C21orf91: variants seen among roughly 807,000 people sequenced by gnomAD.
C21orf91 encodes chromosome 21 open reading frame 91, also known as protein EURL homolog.
In C21orf91, 26 loss-of-function variants were observed where a neutral mutation model predicts 32.9. The ratio of observed to expected loss-of-function variants is 0.79; its 90% CI spans 0.58 to 1.10. The LOEUF is 1.10. Among genes scored for constraint, C21orf91 ranks in the 50% least tolerant of loss-of-function variants. The pLI, the probability that C21orf91 is intolerant of heterozygous loss-of-function variation, is 0.00. For missense variants in C21orf91, 310 were observed against 341.3 expected (o/e 0.91, Z 0.72); for synonymous variants, 126 against 120.4 (o/e 1.05, Z -0.31).
At chr21:17,803,573 T>C (rs2062576524) in intron 2 of C21orf91, among the ~76,000 whole-genome samples, 1 of 152,178 alleles carries the variant, frequency 6.6e-6, no homozygotes, top group African/African-American at 2.4e-5. Context: ...GCCTAAGTAA[T>C]TTTCCAAGAG....
intron 2 of C21orf91, among the ~76,000 whole-genome samples, chr21:17,804,395 C>T (rs894100419): frequency 6.6e-6 from 1 of 152,218 alleles, no homozygotes; most frequent in Non-Finnish European, 1.5e-5. Flanking sequence ...TTAGAAAGTA[C>T]TGTGATAAAG....
intron 2 of C21orf91, among the ~76,000 whole-genome samples, chr21:17,798,620 G>A (rs1270479272): frequency 6.6e-6 from 1 of 152,086 alleles, no homozygotes; most frequent in African/African-American, 2.4e-5. Flanking sequence ...TTGTGAGCAC[G>A]TATACATTTC....
At chr21:17,804,666 C>T (rs966967133) in intron 2 of C21orf91, among the ~76,000 whole-genome samples, 1 of 152,192 alleles carries the variant, frequency 6.6e-6, no homozygotes, top group African/African-American at 2.4e-5. Flanking sequence ...TGGCAGATTT[C>T]AGCTTAGAGA....
At chr21:17,810,412 A>G (rs2062625000) in intron 2 of C21orf91, 1 of 152,238 alleles carries the variant, frequency 6.6e-6, no homozygotes, top group African/African-American at 2.4e-5. Flanking sequence ...TGTTCTATTG[A>G]CATAGTTAGT....
At position 17,793,398 on chromosome 21, in the gene C21orf91, A is replaced by C. The variant is rs1193239571; in HGVS notation, c.*17T>G. ...AGACCAATAAAGGGCAGGGCATACGAAGTAAGTCTGTTTAGGTCAGTTGTT... is the reference window on the plus strand; with the variant it reads ...AGACCAATAAAGGGCAGGGCATACGCAGTAAGTCTGTTTAGGTCAGTTGTT... On this transcript the variant is annotated 3_prime_UTR_variant, in exon 5 of 5. Coordinates refer to ENST00000284881, the MANE Select transcript of C21orf91 (RefSeq NM_001100420.2). 1 of 1,557,536 alleles carries C rather than the reference A, an allele frequency of 6.4e-7. No individual in the cohort carries two copies. The highest frequency in any genetic ancestry group is 8.7e-7 in the Non-Finnish European group (1 of 1,144,190).
chr21:17,818,279 C>T lies in C21orf91; in HGVS notation c.40G>A (p.Asp14Asn), dbSNP rs1407216362. Residue 14 changes from aspartate to asparagine, a missense_variant, in exon 2 of 5, where the codon GAT (aspartate) becomes AAT (asparagine). Coordinates refer to ENST00000284881, the MANE Select transcript of C21orf91 (RefSeq NM_001100420.2). ...EEQFVNIDLN[D>N]DNICSVCKLG... is the part of the protein sequence containing the mutation. ...TTACAAACACTGCAAATGTTGTCAT[C>T]ATTCAAATCAATGTTTACAAACTGC... The T allele has an allele frequency of 6.2e-7, 1 of 1,612,338 alleles. No homozygotes were observed. Among genetic ancestry groups the T allele is most frequent in the Non-Finnish European group, 8.5e-7 (1 of 1,178,698 alleles).
chr21:17,793,467 C>A lies in C21orf91; in HGVS notation c.842G>T (p.Cys281Phe). 1 of 1,613,300 alleles carries A rather than the reference C, an allele frequency of 6.2e-7. No homozygotes were observed. The part of the protein sequence containing the change: ...QLLKNCSKLP[C>F]LQVGRTGMKS... ...CATTCCTGTTCGCCCTACTTGCAGA[C>A]ATGGTAACTTAGAACAGTTCTTCAG... The change falls in exon 5 of 5, where the codon TGT (cysteine) becomes TTT (phenylalanine). Residue 281 changes from cysteine to phenylalanine, a missense_variant. Cys to Phe is a radical substitution (Grantham distance 205). Transcript: ENST00000284881.
In C21orf91 at chr21:17,793,648, G is replaced by A; in HGVS notation, c.728-67C>T. The A allele has an allele frequency of 3.8e-6, 4 of 1,058,016 alleles. No individual in the cohort carries two copies. The South Asian group carries it at 5.9e-5, about 16-fold the overall frequency. The allele number at this position is 1,058,016 out of a possible 1,614,324, so 65.5% of individuals were successfully genotyped here. ...GCCGGTGCTATGATTTATATTTCAAGAACTCTAACTGAAATCTATGCATTG... is the reference window on the plus strand; with the variant it reads ...GCCGGTGCTATGATTTATATTTCAAAAACTCTAACTGAAATCTATGCATTG... On this transcript the variant is annotated intron_variant, in intron 4 of 4. Coordinates refer to ENST00000284881, the MANE Select transcript of C21orf91 (RefSeq NM_001100420.2).
intron 2 of C21orf91, among the ~76,000 whole-genome samples, chr21:17,803,756 T>C (rs1221459299): frequency 6.6e-6 from 1 of 151,950 alleles, no homozygotes; most frequent in Admixed American, 6.6e-5. Flanking sequence ...GGAAAGACAA[T>C]GGATGAAAAT....
chr21:17,808,467 A>G (rs112313080), intron 2 of C21orf91, among the ~76,000 whole-genome samples: 3 of 152,304 alleles, frequency 2.0e-5, no homozygotes, highest in African/African-American at 7.2e-5. Flanking sequence ...AGCCCCCACA[A>G]AGAGTCCCCA....
intron 2 of C21orf91, among the ~76,000 whole-genome samples, chr21:17,800,772 T>C (rs968898963): frequency 6.6e-6 from 1 of 152,226 alleles, no homozygotes; most frequent in African/African-American, 2.4e-5. Flanking sequence ...TATAAAAACA[T>C]CTTTAAGATA....
Position 17,813,648 on chromosome 21 carries a change from C to T in C21orf91, c.127+4544G>A, listed in dbSNP as rs537254886. Among the ~76,000 whole-genome samples the T allele has an allele frequency of 1.4e-4, 22 of 152,296 alleles. No homozygotes were observed. In the East Asian group the frequency reaches 4.2e-3, roughly 29 times the overall value. The stretch of plus-strand genomic sequence containing the variant: ...TGTCTCTTATCTGAAATACTTGAGA[C>T]CAGAACTGTTTCAAATTTCAGATTT... On this transcript the variant is annotated intron_variant, in intron 2 of 4. Coordinates refer to ENST00000284881, the MANE Select transcript of C21orf91 (RefSeq NM_001100420.2).
rs66622342 is a variant in C21orf91, at chr21:17,792,477, T to TC, written c.*937_*938insG. On this transcript the variant is annotated 3_prime_UTR_variant, in exon 5 of 5. Transcript: ENST00000284881. ...AAAGTGGCACACAAAATAATCTTAC[T>TC]TTTTTTTTTCAAAGACAGAACAATT... The TC allele has an allele frequency of 1.8e-4, 12 of 67,752 alleles. No individual in the cohort carries two copies. Among genetic ancestry groups the TC allele is most frequent in the South Asian group, 1.5e-3 (4 of 2,592 alleles). The allele number at this position is 67,752 out of a possible 1,614,324, so 4.2% of individuals were successfully genotyped here.
intron 2 of C21orf91, among the ~76,000 whole-genome samples, chr21:17,817,303 C>T (rs1467450792): frequency 6.6e-6 from 1 of 151,872 alleles, no homozygotes; most frequent in Non-Finnish European, 1.5e-5. Context: ...TTTTTTTAAA[C>T]AATAAGAACA....
intron 2 of C21orf91, among the ~76,000 whole-genome samples, chr21:17,813,151 T>TA (rs2062643791): frequency 6.6e-6 from 1 of 152,220 alleles, no homozygotes; most frequent in African/African-American, 2.4e-5. Flanking sequence ...AGAAAGAGGC[T>TA]AATGCCAGAT....
At chr21:17,802,991 G>C (rs2062572241) in intron 2 of C21orf91, among the ~76,000 whole-genome samples, 1 of 152,208 alleles carries the variant, frequency 6.6e-6, no homozygotes, top group Non-Finnish European at 1.5e-5. Context: ...ACATCAGTAG[G>C]AGATTGGAAA....
At position 17,791,180 on chromosome 21, in the gene C21orf91, A is replaced by G. The variant is rs941796469; in HGVS notation, c.*2235T>C. The G allele has an allele frequency of 6.6e-6, 1 of 152,194 alleles. No homozygotes were observed. The highest frequency in any genetic ancestry group is 1.5e-5 in the Non-Finnish European group (1 of 67,988). The allele number at this position is 152,194 out of a possible 1,614,324, so 9.4% of individuals were successfully genotyped here. On this transcript the variant is annotated 3_prime_UTR_variant, in exon 5 of 5. Transcript: ENST00000284881. ...TTATAAGTTTACCAAACATTTGGAT[A>G]AACTGCTGTGCAAAATACTTCAACA... is the stretch of plus-strand genomic sequence containing the variant.
chr21:17,805,182 T>G (rs943502539), intron 2 of C21orf91, among the ~76,000 whole-genome samples: 4 of 152,212 alleles, frequency 2.6e-5, no homozygotes, highest in African/African-American at 7.2e-5. Context: ...TAATTTTAAT[T>G]TAAATGAATT....
At chr21:17,811,761 G>A (rs1323222825) in intron 2 of C21orf91, among the ~76,000 whole-genome samples, 1 of 152,098 alleles carries the variant, frequency 6.6e-6, no homozygotes, top group Non-Finnish European at 1.5e-5. Context: ...CTCTGAAACA[G>A]AAAGTCATTT....
Sources: gnomAD v4.1 joint callset for allele counts (sites outside exome capture counted in the v4.1 genomes callset) on GRCh38, gnomAD v4.1.1 for gene constraint, MANE v1.5 for transcripts, NCBI Gene and HGNC (gene_info 2026-07-23, HGNC 2026-07-21) for gene names.